TAF1: variants seen among roughly 807,000 people sequenced by gnomAD.
TAF1 encodes the protein TATA-box binding protein associated factor 1.
Under a neutral mutation model 138.5 loss-of-function variants are expected in TAF1, and 2 were observed. That is an observed-to-expected ratio of 0.01 (90% CI 0.01 to 0.05). The LOEUF (loss-of-function observed/expected upper bound fraction) is 0.05. TAF1 is among the 10% of genes least tolerant of loss of function. The pLI, the probability that TAF1 is intolerant of heterozygous loss-of-function variation, is 1.00. For synonymous variants in TAF1, 437 were observed against 503.2 expected (o/e 0.87, Z 1.76); for missense variants, 709 against 1,478.0 (o/e 0.48, Z 8.53).
intron 13 of TAF1, among the ~76,000 whole-genome samples, chrX:71,476,315 A>T (rs1158790761): frequency 9.0e-6 from 1 of 110,931 alleles, no homozygotes; most frequent in East Asian, 2.8e-4. Flanking sequence ...AGGGTGAGGG[A>T]ACTGGAACTT....
intron 13 of TAF1, among the ~76,000 whole-genome samples, chrX:71,490,074 C>T (rs2039247006): frequency 9.0e-6 from 1 of 111,402 alleles, no homozygotes; most frequent in South Asian, 3.7e-4. Context: ...TCCCCTCCTA[C>T]TTGTTCCAAA....
intron 13 of TAF1, among the ~76,000 whole-genome samples, chrX:71,511,224 T>C (rs2039726194): frequency 8.9e-6 from 1 of 112,553 alleles, no homozygotes; most frequent in South Asian, 3.7e-4. Flanking sequence ...ACCATGAGGA[T>C]GATATCTGTA....
At chrX:71,450,364 A>C (rs890012820) in intron 32 of TAF1, among the ~76,000 whole-genome samples, 1 of 111,276 alleles carries the variant, frequency 9.0e-6, no homozygotes, top group Non-Finnish European at 1.9e-5. Context: ...CACCATGCCC[A>C]GCTAATTTTT....
At chrX:71,472,059 G>A (rs1047748523) in intron 13 of TAF1, among the ~76,000 whole-genome samples, 8 of 111,953 alleles carry the variant, frequency 7.1e-5, no homozygotes, top group Non-Finnish European at 1.3e-4. Flanking sequence ...GGAAGTCAGC[G>A]TGAAACGGCC....
At chrX:71,386,968 T>C (rs1034925122) in intron 14 of TAF1, 8 of 278,857 alleles carry the variant, frequency 2.9e-5, no homozygotes, top group Non-Finnish European at 4.4e-5. Context: ...AAACTAAACT[T>C]AGACATGTTA....
intron 8 of TAF1, among the ~76,000 whole-genome samples, chrX:71,381,507 C>T (rs895654292): frequency 9.0e-6 from 1 of 111,632 alleles, no homozygotes; most frequent in Admixed American, 9.6e-5. Context: ...TGAAGTGATC[C>T]ACCTGCCTCG....
At position 71,491,043 on chromosome X, in the gene TAF1, GTTTTTTTTTTT is replaced by G. The variant is rs1187463669; in HGVS notation, c.1366+30255_1366+30265del. 8.7e-5 allele frequency: 4 copies of G among 45,722 alleles called. No homozygotes were observed. The East Asian group carries it at 1.8e-3, about 21-fold the overall frequency. The allele number at this position is 45,722 out of a possible 1,213,427, so 3.8% of individuals were successfully genotyped here. ...TTTTGTTGTTGTTGTTGTTGTTGTT[GTTTTTTTTTTT>G]TTTTTTTTTTTTTTAGATTAGTCAA... On this transcript the variant is annotated intron_variant and NMD_transcript_variant, in intron 13 of 14. Transcript: ENST00000373775.
In TAF1 at chrX:71,412,699, TG is replaced by T. The variant is rs759431879; in HGVS notation, c.4384+4549del. ...ACCTCCTGGGTTCAGGCGATTCTCC[TG>T]CCTCAGCCTGCCAAGTAGCTAGGGC... On this transcript the variant is annotated intron_variant, in intron 28 of 37. Transcript: ENST00000423759. Among the ~76,000 whole-genome samples, 22 of 111,494 alleles carry T rather than the reference TG, an allele frequency of 2.0e-4. No individual in the cohort carries two copies. The South Asian group carries it at 7.9e-3, about 40-fold the overall frequency.
intron 12 of TAF1, 86 bp downstream of exon 12, chrX:71,383,250 G>A: frequency 2.0e-6 from 2 of 1,007,596 alleles, no homozygotes; most frequent in Non-Finnish European, 2.6e-6. Context: ...GATTGTATTA[G>A]GGAATTGGTT....
intron 28 of TAF1, among the ~76,000 whole-genome samples, chrX:71,411,898 T>C (rs1602586815): frequency 9.0e-6 from 1 of 111,542 alleles, no homozygotes; most frequent in Non-Finnish European, 1.9e-5. Flanking sequence ...CCTGGGATTA[T>C]AGGCATGCGC....
intron 1 of TAF1, among the ~76,000 whole-genome samples, chrX:71,367,153 C>T (rs771975880): frequency 9.8e-5 from 11 of 112,524 alleles, no homozygotes; most frequent in African/African-American, 3.5e-4. Flanking sequence ...GAACGAGCCC[C>T]GCCTCGACGC....
chrX:71,520,126 AT>A (rs750390281), intron 13 of TAF1, among the ~76,000 whole-genome samples: 8 of 73,495 alleles, frequency 1.1e-4, no homozygotes, highest in African/African-American at 4.2e-4. Context: ...AAGGCATTTT[AT>A]TTTATTTATT....
chrX:71,436,065 T>TG (rs2037123666), intron 32 of TAF1, among the ~76,000 whole-genome samples: 1 of 95,637 alleles, frequency 1.0e-5, no homozygotes, highest in Admixed American at 1.2e-4. Flanking sequence ...TTTTTTTTTT[T>TG]GAAACAAGGT....
chrX:71,393,094 G>A lies in TAF1; in HGVS notation c.3051+100G>A, dbSNP rs2034651283. On this transcript the variant is annotated intron_variant, in intron 20 of 37. Coordinates refer to ENST00000423759, the MANE Select transcript of TAF1 (RefSeq NM_004606.5). ...AAAGAACTATCTGGGGAACTTTATT[G>A]TAGGGTATAGTAAGCTAAGTCTTAG... The A allele has an allele frequency of 6.5e-6, 7 of 1,083,360 alleles. No individual in the cohort carries two copies. The Admixed American group carries it at 1.1e-4, about 17-fold the overall frequency. 89.3% of individuals were successfully genotyped at this position (1,083,360 alleles called of 1,213,427 possible).
At chrX:71,523,698 A>G (rs1430300204) in intron 13 of TAF1, among the ~76,000 whole-genome samples, 1 of 112,014 alleles carries the variant, frequency 8.9e-6, no homozygotes, top group Non-Finnish European at 1.9e-5. Context: ...GATCTTAAAC[A>G]CATAGTATCA....
chrX:71,430,603 A>G (rs964573049), intron 32 of TAF1, among the ~76,000 whole-genome samples: 4 of 111,536 alleles, frequency 3.6e-5, no homozygotes, highest in Non-Finnish European at 5.6e-5. Context: ...GAAATGGGCT[A>G]TGTTGTGGGG....
At chrX:71,385,856 T>C (rs759182404) in intron 14 of TAF1, among the ~76,000 whole-genome samples, 2 of 112,182 alleles carry the variant, frequency 1.8e-5, no homozygotes, top group Admixed American at 1.9e-4. Context: ...GCTACTTTTG[T>C]AGTCTCTTAA....
At position 71,485,191 on chromosome X, in the gene TAF1, C is replaced by T. The variant is rs73544828; in HGVS notation, c.1366+24388C>T. 9.7e-3 allele frequency among the ~76,000 whole-genome samples: 1,083 copies of T among 112,006 alleles called. 15 individuals carry two copies. The highest frequency in any genetic ancestry group is 0.033 in the African/African-American group (1,005 of 30,833). ...AGGTCAATGCATGGTTTTGGTTTAA[C>T]TTTTGATTTTGAAATAACTGTAAAT... On this transcript the variant is annotated intron_variant and NMD_transcript_variant, in intron 13 of 14. Transcript: ENST00000373775.
chrX:71,487,942 T>C (rs899591155), intron 13 of TAF1, among the ~76,000 whole-genome samples: 2 of 112,201 alleles, frequency 1.8e-5, no homozygotes, highest in African/African-American at 6.5e-5. Context: ...ACTGTAAATA[T>C]GTGTAAGCTT....
Sources: allele counts gnomAD v4.1 joint callset (sites outside exome capture counted in the v4.1 genomes callset), GRCh38; gene constraint gnomAD v4.1.1; transcripts MANE v1.5; gene names NCBI Gene and HGNC (gene_info 2026-07-23, HGNC 2026-07-21).